Variants in TRIM2 observed in about 807,000 individuals in gnomAD.
The protein encoded by TRIM2 is tripartite motif containing 2.
Under a neutral mutation model 75.2 loss-of-function variants are expected in TRIM2, and 20 were observed. That is an observed-to-expected ratio of 0.27 (90% CI 0.19 to 0.39). The LOEUF is 0.39. Ranked by LOEUF, TRIM2 falls within the 10% of genes least tolerant of loss-of-function variation. The probability of loss-of-function intolerance (pLI) is 1.00; values close to 1 mark genes in which losing one functional copy is unlikely to be tolerated. For missense variants in TRIM2, 660 were observed against 990.8 expected (o/e 0.67, Z 4.48); for synonymous variants, 373 against 388.3 (o/e 0.96, Z 0.46).
chr4:153,187,789 G>A (rs932708276), intron 1 of TRIM2, among the ~76,000 whole-genome samples: 3 of 152,108 alleles, frequency 2.0e-5, no homozygotes, highest in Non-Finnish European at 1.5e-5. Context: ...AATGGCGGCC[G>A]CATCATAGGT....
intron 3 of TRIM2, among the ~76,000 whole-genome samples, chr4:153,280,384 C>CTTTTTTTTTTTTTTTT (rs3048122): frequency 8.5e-6 from 1 of 116,988 alleles, no homozygotes; most frequent in Non-Finnish European, 1.7e-5. Context: ...CAGCAAATTC[C>CTTTTTTTTTTTTTTTT]TTTTTTTTTT....
At chr4:153,241,352 C>G (rs1746536347) in intron 1 of TRIM2, among the ~76,000 whole-genome samples, 1 of 152,186 alleles carries the variant, frequency 6.6e-6, no homozygotes, top group Non-Finnish European at 1.5e-5. Flanking sequence ...TGTTGGAAGC[C>G]ATGTGCCAAG....
intron 1 of TRIM2, among the ~76,000 whole-genome samples, chr4:153,268,978 C>T (rs559055168): frequency 1.8e-4 from 28 of 152,236 alleles, no homozygotes; most frequent in African/African-American, 6.5e-4. Context: ...ACCTTTAGTC[C>T]TGAAGAAAAC....
chr4:153,318,927 A>G (rs976691266), intron 8 of TRIM2, among the ~76,000 whole-genome samples: 1 of 152,216 alleles, frequency 6.6e-6, no homozygotes, highest in Non-Finnish European at 1.5e-5. Flanking sequence ...GAGGTGGTGT[A>G]GTTTCAGCAA....
chr4:153,337,019 G>A lies in TRIM2; in HGVS notation c.*2053G>A. Reference sequence around the variant, plus strand: ...GTACCAAGTACTCTTTTAGGCACTGGAAATACAGTGATGGACAAAACAGGT... The same window carrying A: ...GTACCAAGTACTCTTTTAGGCACTGAAAATACAGTGATGGACAAAACAGGT... On this transcript the variant is annotated 3_prime_UTR_variant, in exon 12 of 12. Transcript: ENST00000338700. The A allele has an allele frequency of 1.0e-6, 1 of 980,568 alleles. No individual in the cohort carries two copies. The highest frequency in any genetic ancestry group is 1.2e-6 in the Non-Finnish European group (1 of 825,574). The allele number at this position is 980,568 out of a possible 1,614,324, so 60.7% of individuals were successfully genotyped here. A position where few individuals can be genotyped will look rare whatever the true frequency, so the allele number is the denominator to read the frequency against.
intron 1 of TRIM2, among the ~76,000 whole-genome samples, chr4:153,263,440 G>C (rs192865639): frequency 5.4e-4 from 83 of 152,316 alleles, no homozygotes; most frequent in Non-Finnish European, 1.0e-3. Context: ...AATTCAGCAA[G>C]TGCTGCTCTT....
chr4:153,191,903 A>C (rs1271883776), intron 1 of TRIM2, among the ~76,000 whole-genome samples: 1 of 152,196 alleles, frequency 6.6e-6, no homozygotes, highest in Non-Finnish European at 1.5e-5. Flanking sequence ...TTCTCAGAAG[A>C]AATGGGTATG....
At chr4:153,272,991 A>G (rs1230911536) in intron 2 of TRIM2, among the ~76,000 whole-genome samples, 1 of 152,002 alleles carries the variant, frequency 6.6e-6, no homozygotes, top group Non-Finnish European at 1.5e-5. Flanking sequence ...GGCATGCGCC[A>G]CTATGCCCAG....
intron 6 of TRIM2, among the ~76,000 whole-genome samples, chr4:153,306,884 C>A (rs954280581): frequency 6.6e-6 from 1 of 152,224 alleles, no homozygotes; most frequent in East Asian, 1.9e-4. Context: ...ACTAGGGCAA[C>A]ATATAATTAT....
rs560505995 is a variant in TRIM2 at position 153,244,439 on chromosome 4, T to C, written c.31-25896T>C. On this transcript the variant is annotated intron_variant, in intron 1 of 11. Transcript: ENST00000338700. ...CTTCTTCTTCTTCTTCTTCTTCTTT[T>C]AATTAGAGAGGAGGCCTCACTATGT... 2.1e-3 allele frequency among the ~76,000 whole-genome samples: 219 copies of C among 104,244 alleles called. 12 individuals carry two copies. Among genetic ancestry groups the C allele is most frequent in the African/African-American group, 9.0e-3 (168 of 18,702 alleles). 68.4% of individuals were successfully genotyped at this position (104,244 alleles called of 152,430 possible). A position where few individuals can be genotyped will look rare whatever the true frequency, so the allele number is the denominator to read the frequency against.
chr4:153,207,476 G>T (rs1328908674), intron 1 of TRIM2, among the ~76,000 whole-genome samples: 2 of 152,178 alleles, frequency 1.3e-5, no homozygotes, highest in African/African-American at 4.8e-5. Flanking sequence ...CCAAATAATG[G>T]GATGACAATC....
At chr4:153,206,063 G>C (rs1018235794) in intron 1 of TRIM2, among the ~76,000 whole-genome samples, 2 of 152,102 alleles carry the variant, frequency 1.3e-5, no homozygotes, top group African/African-American at 4.8e-5. Flanking sequence ...CACCCTCCAG[G>C]CCCACCGCAG....
intron 1 of TRIM2, among the ~76,000 whole-genome samples, chr4:153,187,904 G>C (rs546960218): frequency 1.3e-5 from 2 of 152,114 alleles, no homozygotes; most frequent in East Asian, 3.9e-4. Flanking sequence ...AGTGCACAAC[G>C]TCCTATTATA....
In TRIM2 at chr4:153,335,618, T is replaced by C; in HGVS notation, c.*652T>C. 1 of 985,438 alleles carries C rather than the reference T, an allele frequency of 1.0e-6. No individual in the cohort carries two copies. Among genetic ancestry groups the C allele is most frequent in the South Asian group, 4.7e-5 (1 of 21,292 alleles). 61.0% of individuals were successfully genotyped at this position (985,438 alleles called of 1,614,324 possible). A position where few individuals can be genotyped will look rare whatever the true frequency, so the allele number is the denominator to read the frequency against. On this transcript the variant is annotated 3_prime_UTR_variant, in exon 12 of 12. Transcript: ENST00000338700. Reference sequence around the variant, plus strand: ...CAAAGATCCTTTTTTGTGTGTTCTTTTCACCACCCCTTTGGCTCACCTTGT... The same window carrying C: ...CAAAGATCCTTTTTTGTGTGTTCTTCTCACCACCCCTTTGGCTCACCTTGT...
intron 1 of TRIM2, among the ~76,000 whole-genome samples, chr4:153,193,888 C>T (rs1185828136): frequency 1.3e-5 from 2 of 152,020 alleles, no homozygotes; most frequent in African/African-American, 2.4e-5. Context: ...CTGGGAGACT[C>T]AGAAGTGGCA....
chr4:153,297,091 A>C (rs141138853), intron 6 of TRIM2, among the ~76,000 whole-genome samples: 1 of 152,328 alleles, frequency 6.6e-6, no homozygotes, highest in Admixed American at 6.5e-5. Flanking sequence ...CCAAACTTCC[A>C]ACCATAGAAC....
chr4:153,219,854 T>C (rs4696438), intron 1 of TRIM2, among the ~76,000 whole-genome samples: 94,176 of 151,942 alleles, frequency 0.62, 29,655 homozygotes, highest in East Asian at 0.87. Context: ...GGTGACAGAG[T>C]CAGATCCTGT....
chr4:153,331,392 C>T (rs1771455607), intron 11 of TRIM2, among the ~76,000 whole-genome samples: 1 of 152,002 alleles, frequency 6.6e-6, no homozygotes, highest in Non-Finnish European at 1.5e-5. Context: ...AAATTAAAAA[C>T]ACAATACCAT....
intron 1 of TRIM2, among the ~76,000 whole-genome samples, chr4:153,175,331 AG>A (rs1560786485): frequency 6.6e-6 from 1 of 151,984 alleles, no homozygotes; most frequent in Non-Finnish European, 1.5e-5. Context: ...CAACTGGTGC[AG>A]TTTTTTTCCG....
Sources: allele counts gnomAD v4.1 joint callset (sites outside exome capture counted in the v4.1 genomes callset), GRCh38; gene constraint gnomAD v4.1.1; transcripts MANE v1.5; gene names NCBI Gene and HGNC (gene_info 2026-07-23, HGNC 2026-07-21).